The following TRIO variants were observed in gnomAD, a reference collection of about 807,000 sequenced individuals.
TRIO encodes the protein triple functional domain protein.
TRIO carries 58 observed loss-of-function variants against 351.9 expected under a neutral mutation model. The observed-to-expected ratio is 0.16, with a 90% confidence interval of 0.13 to 0.21. The LOEUF (loss-of-function observed/expected upper bound fraction) is 0.21, where lower values mean the gene tolerates loss of function less well. Among genes scored for constraint, TRIO ranks in the 10% least tolerant of loss-of-function variants. The pLI is 1.00. For missense variants in TRIO, 3,201 were observed against 4,027.8 expected, an observed-to-expected ratio of 0.79 and a Z score of 5.56; for synonymous variants, 1,758 against 1,595.7, an observed-to-expected ratio of 1.10 and a Z score of -2.42.
intron 1 of TRIO, among the ~76,000 whole-genome samples, chr5:14,186,617 G>T (rs984441215): frequency 1.1e-4 from 17 of 151,610 alleles, no homozygotes; most frequent in African/African-American, 4.1e-4. Flanking sequence ...TCACTGTGTT[G>T]CCCAGGCTGG....
At chr5:14,414,610 TTTTC>T (rs1243443983) in intron 33 of TRIO, among the ~76,000 whole-genome samples, 4 of 152,208 alleles carry the variant, frequency 2.6e-5, no homozygotes, top group Admixed American at 6.5e-5. Flanking sequence ...ACCGATTTTT[TTTTC>T]TTTAATTGTG....
intron 41 of TRIO, 51 bp downstream of exon 41, chr5:14,477,014 T>C (rs1379201459): frequency 1.3e-6 from 2 of 1,525,712 alleles, no homozygotes; most frequent in South Asian, 2.3e-5. Context: ...TCATCCTTAG[T>C]CACTGGTTTG....
intron 28 of TRIO, among the ~76,000 whole-genome samples, chr5:14,395,111 G>A (rs30773): frequency 0.31 from 47,707 of 152,086 alleles, 8,060 homozygotes; most frequent in African/African-American, 0.42. Context: ...ACAAATGCTG[G>A]AACTCTTCTT....
intron 1 of TRIO, among the ~76,000 whole-genome samples, chr5:14,150,961 T>G (rs1787792461): frequency 6.6e-6 from 1 of 152,216 alleles, no homozygotes; most frequent in South Asian, 2.1e-4. Context: ...CAATAATCTT[T>G]AGCTATAGAC....
intron 34 of TRIO, among the ~76,000 whole-genome samples, chr5:14,460,500 A>G (rs904481536): frequency 1.3e-5 from 2 of 152,164 alleles, no homozygotes; most frequent in Admixed American, 6.5e-5. Context: ...TAATTACACA[A>G]TTCTGCTTTT....
At chr5:14,436,218 C>A (rs1016086149) in intron 34 of TRIO, among the ~76,000 whole-genome samples, 6 of 152,164 alleles carry the variant, frequency 3.9e-5, no homozygotes, top group Admixed American at 1.3e-4. Context: ...CAAGGAGGAA[C>A]AAGTCACATC....
rs959480778 is a variant in TRIO, at chr5:14,286,564, A to G, written c.348-307A>G. On this transcript the variant is annotated intron_variant, in intron 3 of 56. Transcript: ENST00000344204. The surrounding 1 kb of genome is among the most constrained non-coding windows in gnomAD (Gnocchi z 4.4). The stretch of plus-strand genomic sequence containing the variant: ...GTTCATGTAATCAATTAATGCACCA[A>G]AGTCAGGAGAAATGGGCATGGTGAC... Among the ~76,000 whole-genome samples, 1 of 152,138 alleles carries G rather than the reference A, an allele frequency of 6.6e-6. No individual in the cohort carries two copies. The highest frequency in any genetic ancestry group is 2.4e-5 in the African/African-American group (1 of 41,428).
chr5:14,384,954 T>C (rs1253503745), intron 21 of TRIO, among the ~76,000 whole-genome samples: 1 of 152,078 alleles, frequency 6.6e-6, no homozygotes, highest in East Asian at 1.9e-4. Context: ...ACAAAAGATA[T>C]TAAACATGTG....
rs1289891439 is a variant in TRIO at position 14,425,570 on chromosome 5, C to G, written c.5203+5549C>G. Among the ~76,000 whole-genome samples, 3 of 152,130 alleles carry G rather than the reference C, an allele frequency of 2.0e-5. No individual in the cohort carries two copies. The South Asian group carries it at 6.2e-4, about 32-fold the overall frequency. The stretch of plus-strand genomic sequence containing the variant: ...CCTTTCAGTCCTTCTGGGTGTATAC[C>G]CAGAAATGCAATTGATGGATCATAT... On this transcript the variant is annotated intron_variant, in intron 34 of 56. Coordinates refer to ENST00000344204, the MANE Select transcript of TRIO (RefSeq NM_007118.4).
At position 14,196,747 on chromosome 5, in the gene TRIO, G is replaced by A. The variant is rs536680106; in HGVS notation, c.157+52865G>A. Among the ~76,000 whole-genome samples, 9 of 152,336 alleles carry A rather than the reference G, an allele frequency of 5.9e-5. No individual in the cohort carries two copies. In the East Asian group the frequency reaches 1.7e-3, roughly 29 times the overall value. ...TTGAGCAGATAGATGTTCTGGCTCT[G>A]AGTCCAGTGTTCTTAGAAAATTCTT... On this transcript the variant is annotated intron_variant, in intron 1 of 56. Coordinates refer to ENST00000344204, the MANE Select transcript of TRIO (RefSeq NM_007118.4).
chr5:14,411,029 T>G (rs368625251), intron 33 of TRIO, among the ~76,000 whole-genome samples: 308 of 152,330 alleles, frequency 2.0e-3, no homozygotes, highest in African/African-American at 7.0e-3. Context: ...CTTTCCAGAT[T>G]CTTATCTCAT....
At chr5:14,376,359 A>G (rs758706015) in intron 19 of TRIO, among the ~76,000 whole-genome samples, 1 of 152,236 alleles carries the variant, frequency 6.6e-6, no homozygotes, top group Non-Finnish European at 1.5e-5. Flanking sequence ...CAAAAAGTGT[A>G]CAAATACATA....
At chr5:14,465,272 A>C (rs1167898649) in intron 36 of TRIO, among the ~76,000 whole-genome samples, 1 of 152,282 alleles carries the variant, frequency 6.6e-6, no homozygotes, top group South Asian at 2.1e-4. Flanking sequence ...CACCTCTTTG[A>C]AAAAAACACT....
At chr5:14,417,957 G>A (rs932344051) in intron 33 of TRIO, among the ~76,000 whole-genome samples, 6 of 152,156 alleles carry the variant, frequency 3.9e-5, no homozygotes, top group Admixed American at 2.6e-4. Context: ...GGGGGACTCA[G>A]GGTGACTGTG....
intron 45 of TRIO, 59 bp from the exon 46 acceptor site, chr5:14,482,523 A>G: frequency 1.6e-6 from 2 of 1,274,174 alleles, no homozygotes; most frequent in Non-Finnish European, 2.0e-6. Flanking sequence ...AGCTTCAGAT[A>G]ACTTAGAAGG....
intron 1 of TRIO, among the ~76,000 whole-genome samples, chr5:14,171,912 T>A (rs903710138): frequency 2.6e-5 from 4 of 152,220 alleles, no homozygotes; most frequent in African/African-American, 9.6e-5. Context: ...GTATACACAC[T>A]CTTTTCCATT....
At chr5:14,236,942 A>G (rs932188293) in intron 1 of TRIO, among the ~76,000 whole-genome samples, 3 of 152,330 alleles carry the variant, frequency 2.0e-5, no homozygotes, top group Middle Eastern at 6.8e-3. Flanking sequence ...TGAGAGAGGT[A>G]TCCACAGGGA....
intron 21 of TRIO, among the ~76,000 whole-genome samples, chr5:14,382,863 G>GTA (rs1455059257): frequency 4.0e-5 from 6 of 151,374 alleles, no homozygotes; most frequent in Non-Finnish European, 8.8e-5. Context: ...GTCTGTGTGT[G>GTA]TGTGAGACAT....
chr5:14,435,973 C>T (rs531414742), intron 34 of TRIO, among the ~76,000 whole-genome samples: 1 of 152,310 alleles, frequency 6.6e-6, no homozygotes, highest in African/African-American at 2.4e-5. Context: ...ATGCTCATTG[C>T]TGTGTGTTGC....
Sources: gnomAD v4.1 joint callset for allele counts (sites outside exome capture counted in the v4.1 genomes callset) on GRCh38, gnomAD v4.1.1 for gene constraint, Gnocchi (gnomAD v3.1) non-coding constraint, MANE v1.5 for transcripts, NCBI Gene and HGNC (gene_info 2026-07-23, HGNC 2026-07-21) for gene names.